The following TARS1 variants were observed in gnomAD, a reference collection of about 807,000 sequenced individuals.
TARS1 encodes threonyl-tRNA synthetase 1.
Under a neutral mutation model 97.7 loss-of-function variants are expected in TARS1, and 57 were observed. The ratio of observed to expected loss-of-function variants is 0.58; its 90% confidence interval spans 0.47 to 0.73. The LOEUF (loss-of-function observed/expected upper bound fraction) is 0.73, where lower values mean the gene tolerates loss of function less well. Among genes scored for constraint, TARS1 ranks in the 30% least tolerant of loss-of-function variants. TARS1 has a pLI of 0.00. For synonymous variants in TARS1, 312 were observed against 293.7 expected (o/e 1.06, Z -0.64); for missense variants, 806 against 888.3 (o/e 0.91, Z 1.18).
At position 33,460,995 on chromosome 5, in the gene TARS1, A is replaced by T. The variant is rs574403967; in HGVS notation, c.1344A>T (p.Ala448=). 60 of 1,614,112 alleles carry T rather than the reference A, an allele frequency of 3.7e-5. No individual in the cohort carries two copies. The South Asian group carries it at 5.6e-4, about 15-fold the overall frequency. ...GVLHRNELSG[A]LTGLTRVRRF... Reference sequence around the variant, plus strand: ...TTCATAGGAACGAGCTGTCTGGAGCACTCACAGGACTCACCCGGGTACGAA... The same window carrying T: ...TTCATAGGAACGAGCTGTCTGGAGCTCTCACAGGACTCACCCGGGTACGAA... The change falls in exon 12 of 19, where the codon GCA becomes GCT. Residue 448 remains alanine (A), a synonymous_variant. Coordinates refer to ENST00000265112, the MANE Select transcript of TARS1 (RefSeq NM_152295.5).
chr5:33,459,641 C>T, intron 10 of TARS1, 54 bp from the exon 11 acceptor site: 2 of 1,598,712 alleles, frequency 1.3e-6, no homozygotes, highest in Non-Finnish European at 1.7e-6. Flanking sequence ...TTTACTCCCA[C>T]TTGAAGTATG....
At chr5:33,440,791 G>A (rs998091829), upstream of TARS1, 10 of 525,108 alleles carry the variant, frequency 1.9e-5, no homozygotes, top group South Asian at 2.5e-4. Flanking sequence ...GCGGAGAGTA[G>A]GCATGTAGCT....
intron 17 of TARS1, 87 bp from the exon 18 acceptor site, chr5:33,466,784 C>A: frequency 1.1e-6 from 1 of 885,592 alleles, no homozygotes; most frequent in Non-Finnish European, 1.7e-6. Flanking sequence ...CCAAGAAGTC[C>A]TGATCCCTGT....
intron 2 of TARS1, among the ~76,000 whole-genome samples, chr5:33,445,900 G>T (rs1026156440): frequency 6.6e-6 from 1 of 152,176 alleles, no homozygotes; most frequent in African/African-American, 2.4e-5. Flanking sequence ...TCTCAAGTCT[G>T]CAGAAAATGC....
chr5:33,458,665 G>T lies in TARS1; in HGVS notation c.1083+1G>T, dbSNP rs375631989. 1.2e-6 allele frequency: 2 copies of T among 1,605,096 alleles called. No homozygotes were observed. The highest frequency in any genetic ancestry group is 1.7e-6 in the Non-Finnish European group (2 of 1,175,062). Reference sequence around the variant, plus strand: ...TAATGCACTTATTGAATTCATTAGGGTAAGTCATATTTATTGCTTTCTTCT... The same window carrying T: ...TAATGCACTTATTGAATTCATTAGGTTAAGTCATATTTATTGCTTTCTTCT... On this transcript the variant is annotated splice_donor_variant, in intron 10 of 18. Coordinates refer to ENST00000265112, the MANE Select transcript of TARS1 (RefSeq NM_152295.5). LOFTEE classifies it high-confidence loss of function.
Position 33,447,757 on chromosome 5 carries a change from T to C in TARS1, c.139-784T>C, listed in dbSNP as rs151335926. Among the ~76,000 whole-genome samples the C allele has an allele frequency of 4.8e-3, 726 of 152,374 alleles. 9 individuals are homozygous for C. Among genetic ancestry groups the C allele is most frequent in the African/African-American group, 0.017 (697 of 41,582 alleles). On this transcript the variant is annotated intron_variant, in intron 2 of 18. Coordinates refer to ENST00000265112, the MANE Select transcript of TARS1 (RefSeq NM_152295.5). ...CATGGCAAAATTAAGCAATCTCCTC[T>C]TCACTTTTGTATGAAGTGTTAATGT...
intron 11 of TARS1, 135 bp from the exon 12 acceptor site, chr5:33,460,767 C>G: frequency 1.9e-6 from 2 of 1,031,124 alleles, no homozygotes; most frequent in Non-Finnish European, 2.8e-6. Context: ...TGTATGTAGC[C>G]CAGAATTTGA....
chr5:33,460,947 G>C lies in TARS1; in HGVS notation c.1296G>C (p.Leu432=), dbSNP rs770147967. Residue 432 remains leucine, a synonymous_variant, in exon 12 of 19, where the codon CTG becomes CTC. Coordinates refer to ENST00000265112, the MANE Select transcript of TARS1 (RefSeq NM_152295.5). Reference sequence around the variant, plus strand: ...CAAGGTCCTGGCGAGAACTGCCTCTGCGGCTAGCTGATTTTGGGGTACTTC... The same window carrying C: ...CAAGGTCCTGGCGAGAACTGCCTCTCCGGCTAGCTGATTTTGGGGTACTTC... ...HRPRSWRELP[L]RLADFGVLHR... The C allele has an allele frequency of 2.4e-5, 38 of 1,614,150 alleles. No individual in the cohort carries two copies. The highest frequency in any genetic ancestry group is 3.0e-5 in the Non-Finnish European group (35 of 1,180,040).
intron 1 of TARS1, among the ~76,000 whole-genome samples, chr5:33,442,114 CGTCT>C (rs1167756048): frequency 2.0e-5 from 3 of 152,140 alleles, no homozygotes; most frequent in Admixed American, 2.0e-4. Flanking sequence ...GAAGTGGTGA[CGTCT>C]TCAGCTAAGG....
rs745982353 is a variant in TARS1, at chr5:33,467,016, G to A, written c.2023+31G>A. The A allele has an allele frequency of 1.2e-5, 17 of 1,433,580 alleles. No individual in the cohort carries two copies. In the South Asian group the frequency reaches 1.4e-4, roughly 12 times the overall value. 88.8% of individuals were successfully genotyped at this position (1,433,580 alleles called of 1,614,324 possible). A position where few individuals can be genotyped will look rare whatever the true frequency, so the allele number is the denominator to read the frequency against. ...AATGGAAACTTACCAAAGAAAATTT[G>A]CCACACCTCAGGAAAATCTACTGAA... On this transcript the variant is annotated intron_variant, in intron 18 of 18. Coordinates refer to ENST00000265112, the MANE Select transcript of TARS1 (RefSeq NM_152295.5).
intron 3 of TARS1, among the ~76,000 whole-genome samples, chr5:33,451,561 G>C (rs1429298982): frequency 6.6e-6 from 1 of 152,102 alleles, no homozygotes; most frequent in East Asian, 1.9e-4. Flanking sequence ...TTTTAGTAGA[G>C]ACGGGGTTTC....
At chr5:33,446,389 A>C (rs1459623144) in intron 2 of TARS1, among the ~76,000 whole-genome samples, 1 of 152,246 alleles carries the variant, frequency 6.6e-6, no homozygotes, top group African/African-American at 2.4e-5. Context: ...GGAAAAATGC[A>C]TATGTTCCCT....
intron 4 of TARS1, among the ~76,000 whole-genome samples, chr5:33,454,038 T>G (rs780917619): frequency 5.9e-5 from 9 of 152,196 alleles, no homozygotes; most frequent in Non-Finnish European, 1.3e-4. Flanking sequence ...ATGAACACTC[T>G]AGCAAGATAT....
At position 33,456,177 on chromosome 5, in the gene TARS1, G is replaced by C; in HGVS notation, c.787G>C (p.Gly263Arg). 6.2e-7 allele frequency: 1 copy of C among 1,613,768 alleles called. No homozygotes were observed. Among genetic ancestry groups the C allele is most frequent in the Non-Finnish European group, 8.5e-7 (1 of 1,179,932 alleles). The change falls in exon 8 of 19, where the codon GGT becomes CGT. Residue 263 changes from glycine to arginine, a missense_variant. Gly to Arg is a moderately radical substitution (Grantham distance 125). Around this residue, in one of 3 missense-constraint regions of TARS1, gnomAD observed 356 missense variants for 357.8 expected, o/e 0.99. Coordinates refer to ENST00000265112, the MANE Select transcript of TARS1 (RefSeq NM_152295.5). The part of the protein sequence containing the change: ...RCGPLIDLCR[G>R]PHVRHTGKIK... The stretch of plus-strand genomic sequence containing the variant: ...TGGCCCTTTGATAGATCTCTGCCGG[G>C]GTCCTCATGTTAGACACACGGGCAA...
chr5:33,452,392 T>A, intron 3 of TARS1: 1 of 1,535,436 alleles, frequency 6.5e-7, no homozygotes, highest in African/African-American at 1.4e-5. Flanking sequence ...TGCTTGCATC[T>A]GTGGCCATTC....
chr5:33,448,285 G>T (rs1332961038), intron 2 of TARS1, among the ~76,000 whole-genome samples: 2 of 152,186 alleles, frequency 1.3e-5, no homozygotes, highest in Non-Finnish European at 2.9e-5. Flanking sequence ...TCTTAAAAGA[G>T]AAAAGACCAC....
intron 6 of TARS1, 124 bp downstream of exon 6, chr5:33,455,828 T>A (rs1489460703): frequency 2.0e-6 from 2 of 992,190 alleles, no homozygotes; most frequent in African/African-American, 3.3e-5. Context: ...AAAAATTAAG[T>A]GTTTTTATTA....
chr5:33,449,338 TAC>T (rs1561069872), intron 3 of TARS1, among the ~76,000 whole-genome samples: 149 of 140,202 alleles, frequency 1.1e-3, no homozygotes, highest in Middle Eastern at 6.9e-3. Flanking sequence ...CGCGTATATA[TAC>T]ACGTGTATAT....
rs369785482 is a variant in TARS1 at position 33,458,597 on chromosome 5, G to C, written c.1016G>C (p.Ser339Thr). 65 of 1,613,396 alleles carry C rather than the reference G, an allele frequency of 4.0e-5. No individual in the cohort carries two copies. The highest frequency in any genetic ancestry group is 5.2e-5 in the Non-Finnish European group (61 of 1,179,750). ...GAACTATATTTCTTTCATGAACTCAGCCCTGGAAGTTGCTTTTTTCTGCCA... is the reference window on the plus strand; with the variant it reads ...GAACTATATTTCTTTCATGAACTCACCCCTGGAAGTTGCTTTTTTCTGCCA... Reference protein sequence around the residue: ...DQELYFFHELSPGSCFFLPKG... With the variant: ...DQELYFFHELTPGSCFFLPKG... Residue 339 changes from serine (S) to threonine (T), a missense_variant, in exon 10 of 19, where the codon AGC becomes ACC. This residue lies in a region of TARS1 where 446 missense variants were observed against 511.0 expected (regional missense o/e 0.87). Transcript: ENST00000265112.
Sources: allele counts gnomAD v4.1 joint callset (sites outside exome capture counted in the v4.1 genomes callset), GRCh38; gene constraint gnomAD v4.1.1; regional missense constraint gnomAD v4.1.1; transcripts MANE v1.5; gene names NCBI Gene and HGNC (gene_info 2026-07-23, HGNC 2026-07-21).